Variants in PCDHGB2 observed in about 807,000 individuals in gnomAD.
PCDHGB2 encodes the protein protocadherin gamma subfamily B, 2.
PCDHGB2 carries 55 observed loss-of-function variants against 59.3 expected under a neutral mutation model. That is an observed-to-expected ratio of 0.93 (90% confidence interval 0.75 to 1.16). The LOEUF (loss-of-function observed/expected upper bound fraction) is 1.16, where lower values mean the gene tolerates loss of function less well. Ranked by LOEUF, PCDHGB2 falls within the 50% of genes most tolerant of loss-of-function variation. PCDHGB2 has a pLI of 0.00. For missense variants in PCDHGB2, 1,228 were observed against 1,198.5 expected (o/e 1.02, Z -0.36); for synonymous variants, 516 against 512.0 (o/e 1.01, Z -0.11).
intron 1 of PCDHGB2, chr5:141,388,630 T>G (rs754073337): frequency 6.2e-7 from 1 of 1,613,816 alleles, no homozygotes; most frequent in Admixed American, 1.7e-5. Context: ...GTATACAGGG[T>G]GAGCCTTTCA....
intron 1 of PCDHGB2, chr5:141,375,149 A>G (rs1340397113): frequency 6.2e-7 from 1 of 1,613,944 alleles, no homozygotes. Flanking sequence ...AAGCAGAACA[A>G]TTGCTGAAAG....
Position 141,491,029 on chromosome 5 carries a change from G to T in PCDHGB2, c.2422-3778G>T. 1 of 1,614,172 alleles carries T rather than the reference G, an allele frequency of 6.2e-7. No homozygotes were observed. The highest frequency in any genetic ancestry group is 1.1e-5 in the South Asian group (1 of 91,088). On this transcript the variant is annotated intron_variant, in intron 1 of 3. Coordinates refer to ENST00000522605, the MANE Select transcript of PCDHGB2 (RefSeq NM_018923.3). The surrounding 1 kb of genome is among the most constrained non-coding windows in gnomAD (Gnocchi z 6.9). ...GGTCACCAAGGTGACAGCCGTGGAT[G>T]CTGATGCAGGCCACAATGCGTGGCT...
intron 2 of PCDHGB2, among the ~76,000 whole-genome samples, chr5:141,500,008 C>T (rs1027220192): frequency 6.6e-6 from 1 of 151,770 alleles, no homozygotes; most frequent in African/African-American, 2.4e-5. Flanking sequence ...TTCATAAGGT[C>T]CACATTTTAT....
chr5:141,419,621 G>T, intron 1 of PCDHGB2: 2 of 1,612,306 alleles, frequency 1.2e-6, no homozygotes, highest in Non-Finnish European at 1.7e-6. Context: ...AGGCTACCTG[G>T]TGACCAAGGT....
intron 1 of PCDHGB2, chr5:141,468,330 C>CAAAAAAAAAAAAAAAAGAAAAAAAAAAA (rs2099163578): frequency 1.3e-5 from 1 of 79,888 alleles, no homozygotes; most frequent in African/African-American, 3.9e-5. Flanking sequence ...AACTCCATCT[C>CAAAAAAAAAAAAAAAAGAAAAAAAAAAA]AAAAAAAAAA....
intron 1 of PCDHGB2, among the ~76,000 whole-genome samples, chr5:141,465,422 G>T (rs74711061): frequency 6.6e-6 from 1 of 152,142 alleles, no homozygotes; most frequent in Non-Finnish European, 1.5e-5. Context: ...AGCACTGAAA[G>T]GTGGGCACTT....
At chr5:141,383,220 C>T in intron 1 of PCDHGB2, 1 of 1,613,982 alleles carries the variant, frequency 6.2e-7, no homozygotes, top group East Asian at 2.2e-5. Context: ...TAAACTTTAA[C>T]ATCCTGATGG....
chr5:141,364,182 A>G (rs1763205286), intron 1 of PCDHGB2: 1 of 942,924 alleles, frequency 1.1e-6, no homozygotes, highest in Non-Finnish European at 1.5e-6. Context: ...TGCTCCCTCC[A>G]TACTAAACAC....
chr5:141,394,534 G>T (rs751746485), intron 1 of PCDHGB2: 2 of 1,614,074 alleles, frequency 1.2e-6, no homozygotes, highest in Non-Finnish European at 1.7e-6. Flanking sequence ...GGTTCCACTG[G>T]CGTGGAGCTG....
In PCDHGB2 at chr5:141,389,258, C is replaced by T. The variant is rs373970987; in HGVS notation, c.2421+26702C>T. The stretch of plus-strand genomic sequence containing the variant: ...TCTCACAGTCTTCCTATATAGTCCA[C>T]GTGGCCGAGAACAACCCGCCTGGAG... On this transcript the variant is annotated intron_variant, in intron 1 of 3. Coordinates refer to ENST00000522605, the MANE Select transcript of PCDHGB2 (RefSeq NM_018923.3). 4 of 1,614,022 alleles carry T rather than the reference C, an allele frequency of 2.5e-6. No homozygotes were observed. The African/African-American group carries it at 4.0e-5, about 16-fold the overall frequency.
chr5:141,366,048 C>T (rs777611384), intron 1 of PCDHGB2: 9 of 1,614,262 alleles, frequency 5.6e-6, no homozygotes, highest in South Asian at 5.5e-5. Flanking sequence ...GACGGTTCCA[C>T]GGGCGTGGAG....
Position 141,383,518 on chromosome 5 carries a change from G to A in PCDHGB2, c.2421+20962G>A, listed in dbSNP as rs1286743255. The A allele has an allele frequency of 2.5e-6, 4 of 1,612,554 alleles. 1 individual carries two copies. The highest frequency in any genetic ancestry group is 2.2e-5 in the South Asian group (2 of 90,928). On this transcript the variant is annotated intron_variant, in intron 1 of 3. Coordinates refer to ENST00000522605, the MANE Select transcript of PCDHGB2 (RefSeq NM_018923.3). The stretch of plus-strand genomic sequence containing the variant: ...GGTGCTGGACCGGGAGGAAGAGCGG[G>A]TTCACCACCTGGTCCTCACAGCCTC...
intron 1 of PCDHGB2, chr5:141,427,942 T>C (rs1561832592): frequency 6.3e-7 from 1 of 1,586,106 alleles, no homozygotes; most frequent in Non-Finnish European, 8.6e-7. Context: ...GTGGGCGACC[T>C]CAATGACAAT....
intron 1 of PCDHGB2, among the ~76,000 whole-genome samples, chr5:141,463,990 G>A (rs2099073582): frequency 6.6e-6 from 1 of 151,990 alleles, no homozygotes; most frequent in Non-Finnish European, 1.5e-5. Flanking sequence ...TAAAAACCAG[G>A]TGCAGTGGCT....
chr5:141,500,883 T>G (rs1250275850), intron 2 of PCDHGB2, among the ~76,000 whole-genome samples: 2 of 97,532 alleles, frequency 2.1e-5, no homozygotes, highest in African/African-American at 1.2e-4. Context: ...TACAATTTTT[T>G]TTTTTTGAGA....
At chr5:141,394,751 C>A in intron 1 of PCDHGB2, 3 of 1,613,428 alleles carry the variant, frequency 1.9e-6, no homozygotes, top group Non-Finnish European at 2.5e-6. Context: ...TGGTGGCCGT[C>A]CAGGACCATG....
chr5:141,366,335 C>T, intron 1 of PCDHGB2: 2 of 1,613,882 alleles, frequency 1.2e-6, no homozygotes, highest in Non-Finnish European at 1.7e-6. Context: ...CGACAGGATC[C>T]CTGACATCCT....
Position 141,475,971 on chromosome 5 carries a change from C to G in PCDHGB2, c.2422-18836C>G, listed in dbSNP as rs750016455. On this transcript the variant is annotated intron_variant, in intron 1 of 3. Coordinates refer to ENST00000522605, the MANE Select transcript of PCDHGB2 (RefSeq NM_018923.3). The stretch of plus-strand genomic sequence containing the variant: ...TCTGCGCCCCGGGATGAGGCAGAGA[C>G]TGAACAGCCGGCGAGCAAATCAACG... 2.5e-5 allele frequency: 24 copies of G among 954,292 alleles called. No individual in the cohort carries two copies. In the African/African-American group the frequency reaches 3.4e-4, roughly 14 times the overall value. 59.1% of individuals were successfully genotyped at this position (954,292 alleles called of 1,614,324 possible). A position where few individuals can be genotyped will look rare whatever the true frequency, so the allele number is the denominator to read the frequency against.
At chr5:141,424,723 T>A (rs2096836963) in intron 1 of PCDHGB2, 2 of 152,144 alleles carry the variant, frequency 1.3e-5, no homozygotes, top group African/African-American at 4.8e-5. Context: ...TAGTTGGGAG[T>A]CATAGATTCC....
Sources: gnomAD v4.1 joint callset for allele counts (sites outside exome capture counted in the v4.1 genomes callset) on GRCh38, gnomAD v4.1.1 for gene constraint, Gnocchi (gnomAD v3.1) non-coding constraint, MANE v1.5 for transcripts, NCBI Gene and HGNC (gene_info 2026-07-23, HGNC 2026-07-21) for gene names.